The following TPO variants were observed in gnomAD, a reference collection of about 807,000 sequenced individuals.
The protein encoded by TPO is thyroid microsomal antigen.
A neutral mutation model predicts 96.9 loss-of-function variants in TPO; 78 were observed. The observed-to-expected ratio is 0.81, with a 90% CI of 0.67 to 0.97. The LOEUF is 0.97. Ranked by LOEUF, TPO falls within the 50% of genes least tolerant of loss-of-function variation. The pLI is 0.00. For synonymous variants in TPO, 547 were observed against 538.0 expected, an observed-to-expected ratio of 1.02 and a Z score of -0.23; for missense variants, 1,252 against 1,274.8, an observed-to-expected ratio of 0.98 and a Z score of 0.27.
At chr2:1,521,459 G>C (rs541168204) in intron 15 of TPO, among the ~76,000 whole-genome samples, 3 of 152,230 alleles carry the variant, frequency 2.0e-5, no homozygotes, top group Admixed American at 2.0e-4. Flanking sequence ...GTGACCGGGT[G>C]CCCTCTTCCC....
intron 7 of TPO, among the ~76,000 whole-genome samples, chr2:1,470,466 T>C (rs75512744): frequency 6.6e-6 from 1 of 151,682 alleles, no homozygotes; most frequent in Non-Finnish European, 1.5e-5. Context: ...CAATTTTTTT[T>C]CTTCTCTATG....
rs1314263702 is a variant in TPO at position 1,531,226 on chromosome 2, C to A, written c.2619-9368C>A. Among the ~76,000 whole-genome samples, 41 of 134,210 alleles carry A rather than the reference C, an allele frequency of 3.1e-4. 1 individual carries two copies. The highest frequency in any genetic ancestry group is 2.9e-3 in the Admixed American group (39 of 13,524). The allele number at this position is 134,210 out of a possible 152,430, so 88.0% of individuals were successfully genotyped here. A position where few individuals can be genotyped will look rare whatever the true frequency, so the allele number is the denominator to read the frequency against. Reference sequence around the variant, plus strand: ...TGTCTGCAACCACCCCAAATCGCCCCCACTGTGTGCAACCGCCTCATATTC... The same window carrying A: ...TGTCTGCAACCACCCCAAATCGCCCACACTGTGTGCAACCGCCTCATATTC... On this transcript the variant is annotated intron_variant, in intron 15 of 16. Transcript: ENST00000329066.
intron 2 of TPO, among the ~76,000 whole-genome samples, chr2:1,420,636 C>G (rs376941595): frequency 9.9e-5 from 15 of 152,096 alleles, no homozygotes; most frequent in East Asian, 5.8e-4. Flanking sequence ...AAGACCTGCA[C>G]GCAATTCAGT....
intron 7 of TPO, among the ~76,000 whole-genome samples, chr2:1,458,855 C>T (rs1285579948): frequency 3.3e-5 from 5 of 152,192 alleles, no homozygotes; most frequent in Non-Finnish European, 7.3e-5. Flanking sequence ...ACCACTTTCC[C>T]TATTAATGAG....
At chr2:1,523,701 C>T (rs1367683947) in intron 15 of TPO, among the ~76,000 whole-genome samples, 4 of 124,678 alleles carry the variant, frequency 3.2e-5, no homozygotes, top group Admixed American at 8.3e-5. Context: ...TCCCCAAATC[C>T]CCCCCACTGT....
At chr2:1,449,649 CAG>C (rs1166029582) in intron 5 of TPO, among the ~76,000 whole-genome samples, 1 of 151,996 alleles carries the variant, frequency 6.6e-6, no homozygotes. Flanking sequence ...GATAAAAAAA[CAG>C]AAAATACCTT....
rs764147346 is a variant in TPO, at chr2:1,494,020, G to T, written c.1987G>T (p.Ala663Ser). Residue 663 changes from alanine (A) to serine (S), a missense_variant, in exon 11 of 17, where the codon GCT (alanine) becomes TCT (serine). By Grantham distance (99) the Ala-to-Ser change is moderately conservative. Coordinates refer to ENST00000329066, the MANE Select transcript of TPO (RefSeq NM_001206744.2). ...FACLIGKQMK[A>S]LRDGDWFWWE... ...CTGTCTCATTGGGAAGCAGATGAAG[G>T]CTCTGCGGGACGGTGACTGGTACGT... 1.9e-6 allele frequency: 3 copies of T among 1,614,124 alleles called. No individual in the cohort carries two copies. In the South Asian group the frequency reaches 3.3e-5, roughly 18 times the overall value.
intron 6 of TPO, among the ~76,000 whole-genome samples, chr2:1,454,590 G>A (rs78425214): frequency 1.5e-3 from 227 of 152,224 alleles, no homozygotes; most frequent in Middle Eastern, 0.01. Flanking sequence ...AAGACGGCTC[G>A]GTGCTCCCAG....
chr2:1,540,963 T>C, intron 16 of TPO: 1 of 1,486,876 alleles, frequency 6.7e-7, no homozygotes, highest in Non-Finnish European at 9.0e-7. Flanking sequence ...GTTCCAAAAC[T>C]AAGGGCTCAC....
chr2:1,502,081 GA>G (rs1293105636), intron 13 of TPO, among the ~76,000 whole-genome samples: 1 of 152,082 alleles, frequency 6.6e-6, no homozygotes, highest in Non-Finnish European at 1.5e-5. Context: ...GGGATGGAGA[GA>G]AAATGGGCTT....
rs1232294585 is a variant in TPO at position 1,488,008 on chromosome 2, C to T, written c.1768+17C>T. The T allele has an allele frequency of 9.3e-6, 15 of 1,612,246 alleles. No homozygotes were observed. The highest frequency in any genetic ancestry group is 1.3e-5 in the Non-Finnish European group (15 of 1,180,022). ...GGCTGCCAGGTCTGCCAGTTCCTTC[C>T]CTTGCACACCTCATGCAGCTGCTGC... On this transcript the variant is annotated intron_variant, in intron 10 of 16. Transcript: ENST00000329066.
chr2:1,489,646 C>T (rs1338267566), intron 10 of TPO, among the ~76,000 whole-genome samples: 2 of 105,524 alleles, frequency 1.9e-5, no homozygotes, highest in Non-Finnish European at 4.0e-5. Context: ...TTAGGGAACC[C>T]TCACTGAATG....
rs1291583910 is a variant in TPO, at chr2:1,529,637, T to TCTC, written c.2619-10956_2619-10955insTCC. Among the ~76,000 whole-genome samples, 10 of 104,750 alleles carry TCTC rather than the reference T, an allele frequency of 9.5e-5. No individual in the cohort carries two copies. The South Asian group carries it at 1.3e-3, about 14-fold the overall frequency. 68.7% of individuals were successfully genotyped at this position (104,750 alleles called of 152,430 possible). A position where few individuals can be genotyped will look rare whatever the true frequency, so the allele number is the denominator to read the frequency against. ...CCCCAATGTGAGCAACCTCCTCAAA[T>TCTC]CCCCGTACTGTGTGCAACCTCCTAT... On this transcript the variant is annotated intron_variant, in intron 15 of 16. Transcript: ENST00000329066.
At chr2:1,402,494 A>G (rs1295030400) in intron 1 of TPO, among the ~76,000 whole-genome samples, 2 of 152,064 alleles carry the variant, frequency 1.3e-5, no homozygotes, top group Admixed American at 6.6e-5. Flanking sequence ...GAATTAGTCC[A>G]TTTTCGTGCT....
At chr2:1,419,298 A>G (rs1663264742) in intron 2 of TPO, among the ~76,000 whole-genome samples, 3 of 152,202 alleles carry the variant, frequency 2.0e-5, no homozygotes, top group South Asian at 2.1e-4. Flanking sequence ...CCCTAAGTCT[A>G]TGGTCCTTGC....
At chr2:1,420,123 G>A (rs1663357769) in intron 2 of TPO, among the ~76,000 whole-genome samples, 1 of 152,124 alleles carries the variant, frequency 6.6e-6, no homozygotes, top group Admixed American at 6.5e-5. Context: ...TAATCTGCAA[G>A]CCTATAAGAA....
chr2:1,485,125 A>G (rs1002339128), intron 9 of TPO, among the ~76,000 whole-genome samples: 2 of 151,296 alleles, frequency 1.3e-5, no homozygotes, highest in African/African-American at 2.4e-5. Context: ...TCATTGTTCA[A>G]TTCCCACCTA....
chr2:1,505,493 T>C, intron 14 of TPO, among the ~76,000 whole-genome samples: 1 of 42,200 alleles, frequency 2.4e-5, no homozygotes. Flanking sequence ...CCACCCCGTG[T>C]CAGGCACACC....
At chr2:1,505,130 T>C (rs1673269192) in intron 14 of TPO, among the ~76,000 whole-genome samples, 1 of 152,154 alleles carries the variant, frequency 6.6e-6, no homozygotes, top group Admixed American at 6.5e-5. Context: ...TGAAAAGAGA[T>C]GGCCAGGACG....
Sources: gnomAD v4.1 joint callset for allele counts (sites outside exome capture counted in the v4.1 genomes callset) on GRCh38, gnomAD v4.1.1 for gene constraint, MANE v1.5 for transcripts, NCBI Gene and HGNC (gene_info 2026-07-23, HGNC 2026-07-21) for gene names.